RGS6: variants seen among roughly 807,000 people sequenced by gnomAD.
RGS6 encodes the protein regulator of G protein signaling 6.
Under a neutral mutation model 78.5 loss-of-function variants are expected in RGS6, and 30 were observed. The ratio of observed to expected loss-of-function variants is 0.38; its 90% CI spans 0.29 to 0.52. The LOEUF (loss-of-function observed/expected upper bound fraction) is 0.52, where lower values mean the gene tolerates loss of function less well. Ranked by LOEUF, RGS6 falls within the 20% of genes least tolerant of loss-of-function variation. RGS6 has a pLI of 0.85. For missense variants in RGS6, 495 were observed against 609.7 expected, an observed-to-expected ratio of 0.81 and a Z score of 1.98; for synonymous variants, 206 against 206.0, an observed-to-expected ratio of 1.00 and a Z score of 0.00.
rs2095895027 is a variant in RGS6 at position 72,465,808 on chromosome 14, G to A, written c.445G>A (p.Ala149Thr). The change falls in exon 7 of 18, where the codon GCA becomes ACA. Residue 149 changes from alanine to threonine, a missense_variant. Ala to Thr is a moderately conservative substitution (Grantham distance 58). Coordinates refer to ENST00000553525, the MANE Select transcript of RGS6 (RefSeq NM_001204424.2). Reference protein sequence around the residue: ...TMQNKARLELADYEAENLARL... With the variant: ...TMQNKARLELTDYEAENLARL... Reference sequence around the variant, plus strand: ...GCAAAATAAAGCAAGGCTGGAACTGGCAGATTATGAAGCAGTAAGTATGAT... The same window carrying A: ...GCAAAATAAAGCAAGGCTGGAACTGACAGATTATGAAGCAGTAAGTATGAT... 2 of 1,613,118 alleles carry A rather than the reference G, an allele frequency of 1.2e-6. No individual in the cohort carries two copies. The highest frequency in any genetic ancestry group is 1.3e-5 in the African/African-American group (1 of 74,890).
At chr14:72,096,714 G>A (rs1380103523) in intron 2 of RGS6, among the ~76,000 whole-genome samples, 1 of 152,134 alleles carries the variant, frequency 6.6e-6, no homozygotes, top group African/African-American at 2.4e-5. Context: ...GGGTTCTGAG[G>A]CTGAAGTTTC....
chr14:72,422,664 G>A (rs934221214), intron 3 of RGS6, among the ~76,000 whole-genome samples: 9 of 152,168 alleles, frequency 5.9e-5, no homozygotes, highest in Non-Finnish European at 1.3e-4. Flanking sequence ...CAGCTTGTAT[G>A]TGTCCCCATG....
chr14:72,074,526 A>G (rs1291550461), intron 2 of RGS6, among the ~76,000 whole-genome samples: 1 of 152,120 alleles, frequency 6.6e-6, no homozygotes, highest in Non-Finnish European at 1.5e-5. Flanking sequence ...ACTGGAAACT[A>G]GCACCTTTAT....
intron 2 of RGS6, among the ~76,000 whole-genome samples, chr14:71,977,366 G>A (rs1347382342): frequency 1.8e-5 from 1 of 56,098 alleles, no homozygotes; most frequent in African/African-American, 8.9e-5. Flanking sequence ...GTAATGCCTA[G>A]GTTTTCTTCT....
chr14:72,530,721 G>C (rs1322898973), intron 15 of RGS6, among the ~76,000 whole-genome samples: 2 of 152,136 alleles, frequency 1.3e-5, no homozygotes, highest in African/African-American at 2.4e-5. Flanking sequence ...AATTTAAAGA[G>C]ACAACAAATG....
chr14:72,132,213 A>G (rs1598126722), intron 2 of RGS6, among the ~76,000 whole-genome samples: 1 of 151,738 alleles, frequency 6.6e-6, no homozygotes, highest in Non-Finnish European at 1.5e-5. Context: ...ACCAGGCACT[A>G]TATTTGGTTC....
intron 1 of RGS6, among the ~76,000 whole-genome samples, chr14:71,957,829 G>A (rs1270595715): frequency 6.6e-6 from 1 of 152,058 alleles, no homozygotes; most frequent in Non-Finnish European, 1.5e-5. Context: ...GCAGTGGTGT[G>A]ATCATAGCTC....
the RGS6 span, among the ~76,000 whole-genome samples, chr14:72,600,156 T>G: frequency 6.6e-6 from 1 of 152,064 alleles, no homozygotes; most frequent in African/African-American, 2.4e-5. Context: ...AACTTGTTAC[T>G]GCCTTCACTC....
chr14:72,042,278 C>T (rs1053519970), intron 2 of RGS6, among the ~76,000 whole-genome samples: 4 of 151,926 alleles, frequency 2.6e-5, no homozygotes, highest in Admixed American at 6.6e-5. Flanking sequence ...GAGGTGCATG[C>T]CACCATGCCT....
intron 3 of RGS6, among the ~76,000 whole-genome samples, chr14:72,407,583 C>T (rs1362429446): frequency 2.6e-5 from 4 of 152,202 alleles, no homozygotes; most frequent in Admixed American, 1.3e-4. Context: ...TTAACTGCCA[C>T]GTAATCCCCT....
intron 2 of RGS6, among the ~76,000 whole-genome samples, chr14:72,240,995 A>G (rs2052637950): frequency 6.6e-6 from 1 of 152,036 alleles, no homozygotes; most frequent in Non-Finnish European, 1.5e-5. Flanking sequence ...TGTCTCTACC[A>G]AAGATTCAAA....
intron 2 of RGS6, among the ~76,000 whole-genome samples, chr14:72,288,534 CA>C (rs2063003310): frequency 6.6e-6 from 1 of 152,122 alleles, no homozygotes; most frequent in Non-Finnish European, 1.5e-5. Flanking sequence ...CAGAGTTTGC[CA>C]GGTTAAAGAG....
chr14:71,893,973 G>A, the RGS6 span, among the ~76,000 whole-genome samples: 6 of 152,066 alleles, frequency 3.9e-5, no homozygotes, highest in African/African-American at 9.7e-5. Context: ...CTTTTGCTAG[G>A]GAGTTTAATA....
chr14:72,569,094 C>G (rs978535621), downstream of RGS6, among the ~76,000 whole-genome samples: 1 of 148,288 alleles, frequency 6.7e-6, no homozygotes, highest in Admixed American at 6.7e-5. Flanking sequence ...CAGGGAGGAA[C>G]CTGTGAGATT....
chr14:72,251,549 A>T (rs768870683), intron 2 of RGS6, among the ~76,000 whole-genome samples: 19 of 152,212 alleles, frequency 1.2e-4, no homozygotes, highest in African/African-American at 2.4e-5. Context: ...ACTTTGGAAT[A>T]TCATTTTTCT....
intron 17 of RGS6, among the ~76,000 whole-genome samples, chr14:72,543,730 T>C (rs1446217698): frequency 1.3e-5 from 2 of 152,222 alleles, no homozygotes; most frequent in East Asian, 1.9e-4. Context: ...TGGCCAGAGC[T>C]GAAATGCTCA....
At position 72,096,985 on chromosome 14, in the gene RGS6, G is replaced by T. The variant is rs1369613400; in HGVS notation, c.84+132110G>T. 7.2e-5 allele frequency among the ~76,000 whole-genome samples: 11 copies of T among 152,192 alleles called. No individual in the cohort carries two copies. The East Asian group carries it at 1.9e-3, about 27-fold the overall frequency. On this transcript the variant is annotated intron_variant, in intron 2 of 17. Transcript: ENST00000553525. ...AAAGGGTGAGGATACCGCTGCTGCAGCACGTCTGTAGTAGGGAATGAACCC... is the reference window on the plus strand; with the variant it reads ...AAAGGGTGAGGATACCGCTGCTGCATCACGTCTGTAGTAGGGAATGAACCC...
In RGS6 at chr14:72,041,019, T is replaced by C. The variant is rs145914981; in HGVS notation, c.84+76144T>C. Among the ~76,000 whole-genome samples, 213 of 152,354 alleles carry C rather than the reference T, an allele frequency of 1.4e-3. 5 individuals are homozygous for C. The East Asian group carries it at 0.038, about 27-fold the overall frequency. On this transcript the variant is annotated intron_variant, in intron 2 of 17. Coordinates refer to ENST00000553525, the MANE Select transcript of RGS6 (RefSeq NM_001204424.2). ...TTGTCTGTACACCCAGTTAACTCTTTAAACTTCTTTAAGATGGTTATTTTG... is the reference window on the plus strand; with the variant it reads ...TTGTCTGTACACCCAGTTAACTCTTCAAACTTCTTTAAGATGGTTATTTTG...
chr14:71,890,363 A>AGAGAGC, the RGS6 span, among the ~76,000 whole-genome samples: 2 of 150,332 alleles, frequency 1.3e-5, no homozygotes, highest in East Asian at 3.9e-4. Context: ...TAAGACAGAG[A>AGAGAGC]GAGAGAGAGA....
Sources: allele counts gnomAD v4.1 joint callset (sites outside exome capture counted in the v4.1 genomes callset), GRCh38; gene constraint gnomAD v4.1.1; transcripts MANE v1.5; gene names NCBI Gene and HGNC (gene_info 2026-07-23, HGNC 2026-07-21).